Variants in COL23A1 observed in about 807,000 individuals in gnomAD.
COL23A1 encodes collagen alpha-1(XXIII) chain.
A neutral mutation model predicts 99.3 loss-of-function variants in COL23A1; 97 were observed. The ratio of observed to expected loss-of-function variants is 0.98; its 90% CI spans 0.83 to 1.16. The LOEUF (loss-of-function observed/expected upper bound fraction) is 1.16. Among genes scored for constraint, COL23A1 ranks in the 50% most tolerant of loss-of-function variants. The probability of loss-of-function intolerance (pLI) is 0.00; values close to 1 mark genes in which losing one functional copy is unlikely to be tolerated. For synonymous variants in COL23A1, 320 were observed against 308.2 expected, an observed-to-expected ratio of 1.04 and a Z score of -0.40; for missense variants, 762 against 757.4, an observed-to-expected ratio of 1.01 and a Z score of -0.07.
At chr5:178,264,653 GTTTT>G (rs545757875) in intron 8 of COL23A1, among the ~76,000 whole-genome samples, 1 of 152,108 alleles carries the variant, frequency 6.6e-6, no homozygotes, top group South Asian at 2.1e-4. Flanking sequence ...TCCTGAAGAT[GTTTT>G]TTTGTTTGTT....
chr5:178,538,723 G>C (rs1420399389), intron 2 of COL23A1, among the ~76,000 whole-genome samples: 1 of 152,180 alleles, frequency 6.6e-6, no homozygotes, highest in Non-Finnish European at 1.5e-5. Flanking sequence ...TCCAGTCCTA[G>C]CTATCTACCC....
At position 178,256,290 on chromosome 5, in the gene COL23A1, T is replaced by C. The variant is rs1337337834; in HGVS notation, c.882+63A>G. 5.5e-6 allele frequency: 7 copies of C among 1,269,596 alleles called. No homozygotes were observed. The East Asian group carries it at 1.8e-4, about 32-fold the overall frequency. 78.6% of individuals were successfully genotyped at this position (1,269,596 alleles called of 1,614,324 possible). On this transcript the variant is annotated intron_variant, in intron 15 of 28. Coordinates refer to ENST00000390654, the MANE Select transcript of COL23A1 (RefSeq NM_173465.4). ...CTGGGGTCTCTGTGGGGACAGGGGC[T>C]TCTGAAGCTATGGGGCCCCTAGATC... is the stretch of plus-strand genomic sequence containing the variant.
intron 5 of COL23A1, among the ~76,000 whole-genome samples, chr5:178,286,644 G>A (rs1389480568): frequency 2.0e-5 from 3 of 152,242 alleles, no homozygotes; most frequent in African/African-American, 7.2e-5. Flanking sequence ...TCCGCACCCA[G>A]CCTCCTGCCT....
intron 2 of COL23A1, among the ~76,000 whole-genome samples, chr5:178,312,387 G>A (rs1310498487): frequency 6.6e-6 from 1 of 152,158 alleles, no homozygotes; most frequent in African/African-American, 2.4e-5. Context: ...CTCCAGGGAG[G>A]CCTACGGCTT....
intron 2 of COL23A1, among the ~76,000 whole-genome samples, chr5:178,521,566 A>C (rs1252486650): frequency 6.6e-6 from 1 of 152,252 alleles, no homozygotes; most frequent in Middle Eastern, 3.4e-3. Context: ...AAAAAAAAAA[A>C]AAAAACTATT....
In COL23A1 at chr5:178,589,351, A is replaced by C. The variant is rs1764152412; in HGVS notation, c.294+553T>G. On this transcript the variant is annotated intron_variant, in intron 1 of 28. Coordinates refer to ENST00000390654, the MANE Select transcript of COL23A1 (RefSeq NM_173465.4). This position sits in a 1 kb window ranked among gnomAD's most constrained non-coding sequence, Gnocchi z 5.4. The stretch of plus-strand genomic sequence containing the variant: ...GTGGGCGCCCCCACCCCCATCCCCG[A>C]GGCCTCAGTGCGACGGTGACCGCTC... Among the ~76,000 whole-genome samples, 4 of 151,572 alleles carry C rather than the reference A, an allele frequency of 2.6e-5. No homozygotes were observed. The South Asian group carries it at 6.3e-4, about 24-fold the overall frequency.
intron 1 of COL23A1, among the ~76,000 whole-genome samples, chr5:178,574,694 T>C (rs779660980): frequency 2.0e-5 from 3 of 152,230 alleles, no homozygotes; most frequent in Non-Finnish European, 4.4e-5. Flanking sequence ...CAGCATTCTG[T>C]TTCTTGCGGC....
At chr5:178,411,170 G>GA (rs1313573391) in intron 2 of COL23A1, among the ~76,000 whole-genome samples, 1 of 152,168 alleles carries the variant, frequency 6.6e-6, no homozygotes, top group East Asian at 1.9e-4. Context: ...TGAGGATGTG[G>GA]AAAAATTGGA....
intron 1 of COL23A1, among the ~76,000 whole-genome samples, chr5:178,563,654 C>T (rs1367506656): frequency 6.6e-6 from 1 of 151,244 alleles, no homozygotes. Flanking sequence ...ACTTCAGCCT[C>T]CTGAGTAGCT....
At chr5:178,523,879 C>T (rs1562052724) in intron 2 of COL23A1, among the ~76,000 whole-genome samples, 1 of 152,214 alleles carries the variant, frequency 6.6e-6, no homozygotes, top group African/African-American at 2.4e-5. Flanking sequence ...AGGCAAGTTA[C>T]ACTACCTGGG....
At chr5:178,411,926 T>C (rs1765076271) in intron 2 of COL23A1, among the ~76,000 whole-genome samples, 2 of 152,380 alleles carry the variant, frequency 1.3e-5, no homozygotes, top group Admixed American at 1.3e-4. Flanking sequence ...AACTTGTGTG[T>C]AATGTTACTG....
chr5:178,249,714 A>ACACACACT (rs1285035339), intron 18 of COL23A1, among the ~76,000 whole-genome samples: 68 of 116,262 alleles, frequency 5.8e-4, no homozygotes, highest in East Asian at 1.2e-3. Flanking sequence ...ACACACACAC[A>ACACACACT]CACTCTCTCT....
chr5:178,469,454 T>C (rs1756620479), intron 2 of COL23A1, among the ~76,000 whole-genome samples: 2 of 152,098 alleles, frequency 1.3e-5, no homozygotes, highest in Non-Finnish European at 2.9e-5. Context: ...CGAAGCTCCA[T>C]CACACACACA....
At chr5:178,357,920 G>T (rs1761798480) in intron 2 of COL23A1, among the ~76,000 whole-genome samples, 1 of 147,320 alleles carries the variant, frequency 6.8e-6, no homozygotes, top group Admixed American at 6.7e-5. Flanking sequence ...GTGTGTATGT[G>T]TATGTGTGTA....
intron 2 of COL23A1, among the ~76,000 whole-genome samples, chr5:178,444,260 C>A (rs904654203): frequency 6.6e-6 from 1 of 152,132 alleles, no homozygotes; most frequent in Non-Finnish European, 1.5e-5. Flanking sequence ...CCCATCCCCC[C>A]CAAATATCTA....
intron 2 of COL23A1, among the ~76,000 whole-genome samples, chr5:178,418,550 G>A (rs1765431882): frequency 6.6e-6 from 1 of 152,232 alleles, no homozygotes; most frequent in African/African-American, 2.4e-5. Context: ...GCTGCCCTCA[G>A]GCAGAGCCAC....
At chr5:178,567,268 G>T (rs552942552) in intron 1 of COL23A1, among the ~76,000 whole-genome samples, 1 of 152,260 alleles carries the variant, frequency 6.6e-6, no homozygotes, top group East Asian at 1.9e-4. Context: ...CCCAGATCTT[G>T]GTCTCTAATA....
chr5:178,561,343 G>A (rs1762550778), intron 1 of COL23A1, among the ~76,000 whole-genome samples: 1 of 152,064 alleles, frequency 6.6e-6, no homozygotes, highest in Admixed American at 6.6e-5. Flanking sequence ...AATTTGGTTC[G>A]GTAAAATTTA....
At chr5:178,403,816 A>G (rs1269051204) in intron 2 of COL23A1, among the ~76,000 whole-genome samples, 2 of 152,242 alleles carry the variant, frequency 1.3e-5, no homozygotes, top group African/African-American at 2.4e-5. Context: ...CTTTTACGCA[A>G]ACACCTTGAT....
Sources: allele counts gnomAD v4.1 joint callset (sites outside exome capture counted in the v4.1 genomes callset), GRCh38; gene constraint gnomAD v4.1.1; non-coding constraint Gnocchi (gnomAD v3.1); transcripts MANE v1.5; gene names NCBI Gene and HGNC (gene_info 2026-07-23, HGNC 2026-07-21).